NCBP3: variants seen among roughly 807,000 people sequenced by gnomAD.
The protein encoded by NCBP3 is nuclear cap-binding protein subunit 3.
In NCBP3, 20 loss-of-function variants were observed where a neutral mutation model predicts 75.7. The observed-to-expected ratio is 0.26, with a 90% CI of 0.19 to 0.38. The LOEUF (loss-of-function observed/expected upper bound fraction) is 0.38, where lower values mean the gene tolerates loss of function less well. NCBP3 is among the 10% of genes least tolerant of loss of function. The pLI, the probability that NCBP3 is intolerant of heterozygous loss-of-function variation, is 1.00. For synonymous variants in NCBP3, 293 were observed against 290.5 expected, an observed-to-expected ratio of 1.01 and a Z score of -0.09; for missense variants, 678 against 796.9, an observed-to-expected ratio of 0.85 and a Z score of 1.80.
intron 2 of NCBP3, among the ~76,000 whole-genome samples, chr17:3,842,701 A>G (rs1266862071): frequency 6.6e-6 from 1 of 152,134 alleles, no homozygotes; most frequent in African/African-American, 2.4e-5. Context: ...ACTGGAGTGC[A>G]GTGGCACGAT....
intron 6 of NCBP3, among the ~76,000 whole-genome samples, chr17:3,825,540 C>G: frequency 6.6e-6 from 1 of 152,120 alleles, no homozygotes; most frequent in East Asian, 1.9e-4. Flanking sequence ...AAGTATTTCT[C>G]AATAAAACTA....
rs926404049 is a variant in NCBP3 at position 3,807,783 on chromosome 17, G to A, written c.*5261C>T. On this transcript the variant is annotated 3_prime_UTR_variant, in exon 13 of 13. Coordinates refer to ENST00000389005, the MANE Select transcript of NCBP3 (RefSeq NM_001114118.3). Reference sequence around the variant, plus strand: ...TTTACAAACTCATCCCATCTTTACAGAAGACCTGCTAGATGCCAGGCATGC... The same window carrying A: ...TTTACAAACTCATCCCATCTTTACAAAAGACCTGCTAGATGCCAGGCATGC... 2.0e-5 allele frequency: 3 copies of A among 152,136 alleles called. No individual in the cohort carries two copies. Among genetic ancestry groups the A allele is most frequent in the African/African-American group, 7.2e-5 (3 of 41,422 alleles). The allele number at this position is 152,136 out of a possible 1,614,324, so 9.4% of individuals were successfully genotyped here.
At position 3,803,020 on chromosome 17, in the gene NCBP3, ACC is replaced by A. The variant is rs904932687; in HGVS notation, c.*10022_*10023del. ...AGACACACAGGGGTCCGTAAAGCCC[ACC>A]TGGCGGTAGCTGCTTTCCCCACAAA... On this transcript the variant is annotated 3_prime_UTR_variant, in exon 13 of 13. Transcript: ENST00000389005. The A allele has an allele frequency of 2.4e-4, 37 of 152,424 alleles. No individual in the cohort carries two copies. Among genetic ancestry groups the A allele is most frequent in the African/African-American group, 8.4e-4 (35 of 41,576 alleles). 9.4% of individuals were successfully genotyped at this position (152,424 alleles called of 1,614,324 possible). A position where few individuals can be genotyped will look rare whatever the true frequency, so the allele number is the denominator to read the frequency against.
intron 9 of NCBP3, among the ~76,000 whole-genome samples, chr17:3,819,465 TAGG>T (rs968314328): frequency 6.0e-5 from 9 of 150,156 alleles, no homozygotes; most frequent in Middle Eastern, 3.4e-3. Flanking sequence ...GAGGCTGAGG[TAGG>T]AGAATGGCGT....
chr17:3,815,474 T>C (rs150239606), intron 11 of NCBP3, among the ~76,000 whole-genome samples: 9 of 152,330 alleles, frequency 5.9e-5, no homozygotes, highest in South Asian at 2.1e-4. Context: ...TGTTTGAACA[T>C]AGAAATTATC....
At position 3,829,379 on chromosome 17, in the gene NCBP3, A is replaced by C; in HGVS notation, c.356-11T>G. The C allele has an allele frequency of 2.6e-6, 4 of 1,551,120 alleles. No individual in the cohort carries two copies. Among genetic ancestry groups the C allele is most frequent in the Non-Finnish European group, 3.5e-6 (4 of 1,146,378 alleles). The stretch of plus-strand genomic sequence containing the variant: ...TCACCTTGGGGATTGCTAGAAAGAC[A>C]AGACACAGAAAAGATGATAGAATTT... On this transcript the variant is annotated splice_polypyrimidine_tract_variant and intron_variant, in intron 3 of 12. Transcript: ENST00000389005.
chr17:3,814,291 C>T (rs1310143982), intron 12 of NCBP3, 31 bp downstream of exon 12: 1 of 1,611,174 alleles, frequency 6.2e-7, no homozygotes, highest in Non-Finnish European at 8.5e-7. Context: ...TCACTGAATC[C>T]CCATTCCCAT....
chr17:3,829,499 T>C (rs554577156), intron 3 of NCBP3, 131 bp from the exon 4 acceptor site: 70 of 1,033,156 alleles, frequency 6.8e-5, no homozygotes, highest in Non-Finnish European at 8.8e-5. Context: ...ACTATAATTA[T>C]TTCAAAAGAG....
In NCBP3 at chr17:3,842,429, T is replaced by TG. The variant is rs896486574; in HGVS notation, c.249+656dup. Among the ~76,000 whole-genome samples the TG allele has an allele frequency of 2.0e-5, 3 of 152,202 alleles. No individual in the cohort carries two copies. In the South Asian group the frequency reaches 6.2e-4, roughly 32 times the overall value. On this transcript the variant is annotated intron_variant, in intron 2 of 12. Coordinates refer to ENST00000389005, the MANE Select transcript of NCBP3 (RefSeq NM_001114118.3). ...AACGGAGCGAGACTCCACCTAAATA[T>TG]GGGGGGCCTACCATCTGCCAGGCAC...
At position 3,842,982 on chromosome 17, in the gene NCBP3, G is replaced by A. The variant is rs1022764477; in HGVS notation, c.249+104C>T. ...TTTTTAGAAAAAAAATTTAAATCCA[G>A]CAACAAAATAAAAGAGGAAATATTT... On this transcript the variant is annotated intron_variant, in intron 2 of 12. Coordinates refer to ENST00000389005, the MANE Select transcript of NCBP3 (RefSeq NM_001114118.3). The A allele has an allele frequency of 2.8e-5, 29 of 1,021,648 alleles. No individual in the cohort carries two copies. In the East Asian group the frequency reaches 7.6e-4, roughly 27 times the overall value. The allele number at this position is 1,021,648 out of a possible 1,614,324, so 63.3% of individuals were successfully genotyped here.
chr17:3,828,042 C>T (rs999531147), intron 4 of NCBP3, among the ~76,000 whole-genome samples: 10 of 152,232 alleles, frequency 6.6e-5, no homozygotes, highest in African/African-American at 2.4e-4. Flanking sequence ...CCTCAGCCTC[C>T]TGAATAGCTG....
At chr17:3,838,526 T>C (rs748175464) in intron 3 of NCBP3, among the ~76,000 whole-genome samples, 6 of 152,026 alleles carry the variant, frequency 3.9e-5, no homozygotes, top group Non-Finnish European at 8.8e-5. Context: ...GGATAAAGAG[T>C]GAAGCAGCTT....
Position 3,846,132 on chromosome 17 carries a change from C to A in NCBP3, c.92G>T (p.Gly31Val), listed in dbSNP as rs1174424069. Residue 31 changes from glycine to valine, a missense_variant, in exon 1 of 13, where the codon GGT (glycine) becomes GTT (valine). Transcript: ENST00000389005. The surrounding 1 kb of genome is among the most constrained non-coding windows in gnomAD (Gnocchi z 4.6). ...LGLPSPEAES[G>V]VDRGEPEPME... ...GGGCTCCGGCTCGCCACGGTCAACA[C>A]CGGACTCCGCCTCAGGGGACGGGAG... 2 of 1,543,752 alleles carry A rather than the reference C, an allele frequency of 1.3e-6. No individual in the cohort carries two copies. The highest frequency in any genetic ancestry group is 1.7e-6 in the Non-Finnish European group (2 of 1,143,904).
At chr17:3,840,757 G>T (rs1016173626) in intron 2 of NCBP3, among the ~76,000 whole-genome samples, 2 of 152,168 alleles carry the variant, frequency 1.3e-5, no homozygotes, top group African/African-American at 4.8e-5. Flanking sequence ...TGCCTGAGCA[G>T]TCCACTCCCT....
chr17:3,820,335 TC>T (rs945654037), intron 9 of NCBP3, among the ~76,000 whole-genome samples: 1 of 152,210 alleles, frequency 6.6e-6, no homozygotes, highest in African/African-American at 2.4e-5. Flanking sequence ...TCCCTTTCTG[TC>T]CCCATTACAA....
chr17:3,839,063 T>C (rs933859420), intron 3 of NCBP3, among the ~76,000 whole-genome samples: 3 of 152,234 alleles, frequency 2.0e-5, no homozygotes, highest in South Asian at 4.1e-4. Context: ...CATGGATTTA[T>C]ATTATAGTAG....
At chr17:3,823,236 A>AGGAGGCAGAGGTTGCAG (rs751408046) in intron 7 of NCBP3, among the ~76,000 whole-genome samples, 8 of 152,090 alleles carry the variant, frequency 5.3e-5, no homozygotes, top group African/African-American at 1.2e-4. Flanking sequence ...GCTTGAACCC[A>AGGAGGCAGAGGTTGCAG]GGAGGCAGAG....
intron 12 of NCBP3, 74 bp from the exon 13 acceptor site, chr17:3,813,353 ACTGCCAACAC>A: frequency 1.3e-6 from 2 of 1,546,394 alleles, no homozygotes; most frequent in South Asian, 2.3e-5. Flanking sequence ...GGGCAGCAGC[ACTGCCAACAC>A]CTGCTGTGCA....
At chr17:3,828,084 A>G (rs916781444) in intron 4 of NCBP3, among the ~76,000 whole-genome samples, 5 of 152,040 alleles carry the variant, frequency 3.3e-5, no homozygotes, top group African/African-American at 4.8e-5. Flanking sequence ...ACATGAGGCT[A>G]ATTTTTGTAT....
Sources: gnomAD v4.1 joint callset for allele counts (sites outside exome capture counted in the v4.1 genomes callset) on GRCh38, gnomAD v4.1.1 for gene constraint, Gnocchi (gnomAD v3.1) non-coding constraint, MANE v1.5 for transcripts, NCBI Gene and HGNC (gene_info 2026-07-23, HGNC 2026-07-21) for gene names.